RTCA: variants seen among roughly 807,000 people sequenced by gnomAD.
RTCA encodes RNA terminal phosphate cyclase domain 1.
Under a neutral mutation model 46.1 loss-of-function variants are expected in RTCA, and 37 were observed. That is an observed-to-expected ratio of 0.80 (90% confidence interval 0.62 to 1.06). RTCA has a LOEUF of 1.06. Among genes scored for constraint, RTCA ranks in the 50% least tolerant of loss-of-function variants. The probability of loss-of-function intolerance (pLI) is 0.00; values close to 1 mark genes in which losing one functional copy is unlikely to be tolerated. For missense variants in RTCA, 435 were observed against 455.5 expected, an observed-to-expected ratio of 0.95 and a Z score of 0.41; for synonymous variants, 164 against 158.3, an observed-to-expected ratio of 1.04 and a Z score of -0.27.
chr1:100,278,320 T>C (rs905276637), intron 8 of RTCA, among the ~76,000 whole-genome samples: 2 of 152,204 alleles, frequency 1.3e-5, no homozygotes, highest in African/African-American at 2.4e-5. Flanking sequence ...AAAGGGAAAT[T>C]TGTTTAAGGT....
chr1:100,283,072 C>T (rs922639633), intron 8 of RTCA, among the ~76,000 whole-genome samples: 25 of 151,710 alleles, frequency 1.6e-4, no homozygotes, highest in Non-Finnish European at 2.1e-4. Flanking sequence ...GCTGGGATTA[C>T]AGGCGTGAGC....
intron 6 of RTCA, 35 bp downstream of exon 6, chr1:100,275,000 A>T: frequency 1.3e-6 from 2 of 1,538,602 alleles, no homozygotes; most frequent in South Asian, 2.4e-5. Context: ...AATAAAATAT[A>T]TGTGTGTCTT....
chr1:100,275,274 G>A (rs575018395), intron 6 of RTCA, among the ~76,000 whole-genome samples: 50 of 152,212 alleles, frequency 3.3e-4, no homozygotes, highest in African/African-American at 1.1e-3. Context: ...AACACTATCA[G>A]GTACTGTGTT....
intron 8 of RTCA, among the ~76,000 whole-genome samples, chr1:100,279,771 C>T (rs1392436848): frequency 6.6e-6 from 1 of 152,096 alleles, no homozygotes; most frequent in Non-Finnish European, 1.5e-5. Context: ...CACAGTGAGA[C>T]CCTGTCACCA....
intron 8 of RTCA, among the ~76,000 whole-genome samples, chr1:100,284,458 A>G (rs200622407): frequency 6.6e-6 from 1 of 151,516 alleles, no homozygotes; most frequent in Non-Finnish European, 1.5e-5. Context: ...CAGTGGCACA[A>G]TCTCAGCTCA....
intron 2 of RTCA, chr1:100,267,397 C>G: frequency 8.1e-7 from 1 of 1,227,090 alleles, no homozygotes; most frequent in Non-Finnish European, 1.0e-6. Context: ...CAGGGGAATC[C>G]AATTCATTAG....
Position 100,269,364 on chromosome 1 carries a change from T to G in RTCA, c.290+1069T>G, listed in dbSNP as rs1004464057. On this transcript the variant is annotated intron_variant, in intron 3 of 10. Transcript: ENST00000370128. ...CATGTGAAATATTTAGCTATCAGTC[T>G]TTTTTTTTTTTTTTTTTGGTCTCCC... Among the ~76,000 whole-genome samples the G allele has an allele frequency of 0.021, 146 of 6,842 alleles. No individual in the cohort carries two copies. The East Asian group carries it at 0.48, about 22-fold the overall frequency. 4.5% of individuals were successfully genotyped at this position (6,842 alleles called of 152,430 possible).
Position 100,266,232 on chromosome 1 carries a change from C to A in RTCA, c.-144C>A, listed in dbSNP as rs991588920. ...GCTGACTCCAGTGTCCCGAGAGGCG[C>A]CGCTTCTTCCGCTTTCTCGTCAGGC... On this transcript the variant is annotated 5_prime_UTR_variant, in exon 1 of 11. Transcript: ENST00000370128. 3.2e-5 allele frequency: 31 copies of A among 970,808 alleles called. No individual in the cohort carries two copies. Among genetic ancestry groups the A allele is most frequent in the Non-Finnish European group, 4.2e-5 (28 of 661,110 alleles). 60.1% of individuals were successfully genotyped at this position (970,808 alleles called of 1,614,324 possible).
At chr1:100,278,185 T>C (rs975217242) in intron 8 of RTCA, among the ~76,000 whole-genome samples, 3 of 152,170 alleles carry the variant, frequency 2.0e-5, no homozygotes, top group Non-Finnish European at 4.4e-5. Context: ...CAAGAAAATA[T>C]TTTGAGGCCA....
intron 6 of RTCA, 63 bp downstream of exon 6, chr1:100,275,028 C>A: frequency 2.1e-6 from 3 of 1,433,364 alleles, no homozygotes; most frequent in East Asian, 2.4e-5. Flanking sequence ...ATTATGTCAA[C>A]TAAATTTTGA....
chr1:100,277,983 A>T (rs1246878548), intron 8 of RTCA, among the ~76,000 whole-genome samples: 1 of 152,202 alleles, frequency 6.6e-6, no homozygotes, highest in Non-Finnish European at 1.5e-5. Context: ...TGATATATTC[A>T]GATTAAACAT....
At chr1:100,288,583 A>G (rs1570893473) in intron 10 of RTCA, among the ~76,000 whole-genome samples, 2 of 151,798 alleles carry the variant, frequency 1.3e-5, no homozygotes, top group East Asian at 3.9e-4. Context: ...GTAGAGATGG[A>G]GTCTTGCCAC....
chr1:100,281,143 T>G, intron 8 of RTCA: 1 of 513,754 alleles, frequency 1.9e-6, no homozygotes, highest in South Asian at 1.4e-5. Flanking sequence ...TCTTTATCAT[T>G]GTCTCAGTTA....
chr1:100,267,405 T>G, intron 2 of RTCA: 1 of 1,257,768 alleles, frequency 8.0e-7, no homozygotes, highest in Admixed American at 3.3e-5. Context: ...TCCAATTCAT[T>G]AGGCTGTAGG....
chr1:100,274,362 T>C (rs1666257803), intron 5 of RTCA, among the ~76,000 whole-genome samples: 4 of 152,336 alleles, frequency 2.6e-5, no homozygotes, highest in Admixed American at 2.0e-4. Flanking sequence ...ATATATTTAT[T>C]TGAGGACCTA....
rs1464606008 is a variant in RTCA, at chr1:100,274,852, G to A, written c.502G>A (p.Val168Met). Residue 168 changes from valine (V) to methionine (M), a missense_variant, in exon 6 of 11, where the codon GTG becomes ATG. Transcript: ENST00000370128. ...RGYYPKGGGE[V>M]IVRMSPVKQL... Reference sequence around the variant, plus strand: ...ATATTACCCAAAAGGGGGTGGTGAAGTGATTGTTCGAATGTCACCAGTTAA... The same window carrying A: ...ATATTACCCAAAAGGGGGTGGTGAAATGATTGTTCGAATGTCACCAGTTAA... 5 of 1,613,012 alleles carry A rather than the reference G, an allele frequency of 3.1e-6. No individual in the cohort carries two copies. The highest frequency in any genetic ancestry group is 3.4e-6 in the Non-Finnish European group (4 of 1,179,304).
chr1:100,281,902 G>C (rs1017352681), intron 8 of RTCA, among the ~76,000 whole-genome samples: 8 of 151,998 alleles, frequency 5.3e-5, no homozygotes, highest in African/African-American at 1.9e-4. Context: ...TTTTGGTAGA[G>C]ACGGGGTTTC....
rs185756091 is a variant in RTCA at position 100,282,578 on chromosome 1, G to T, written c.800-2650G>T. ...TAAATGCCTCCTTAGCAAAGGATCTGGTTTCTATTACTTAGCATGGTAGAT... is the reference window on the plus strand; with the variant it reads ...TAAATGCCTCCTTAGCAAAGGATCTTGTTTCTATTACTTAGCATGGTAGAT... On this transcript the variant is annotated intron_variant, in intron 8 of 10. Coordinates refer to ENST00000370128, the MANE Select transcript of RTCA (RefSeq NM_003729.4). Among the ~76,000 whole-genome samples, 9 of 152,238 alleles carry T rather than the reference G, an allele frequency of 5.9e-5. No individual in the cohort carries two copies. In the East Asian group the frequency reaches 9.6e-4, roughly 16 times the overall value.
At chr1:100,272,349 G>A (rs1443839054) in intron 4 of RTCA, among the ~76,000 whole-genome samples, 4 of 152,130 alleles carry the variant, frequency 2.6e-5, no homozygotes, top group Admixed American at 2.6e-4. Flanking sequence ...TTAATACTTG[G>A]TAGGGTGAGG....
Sources: allele counts gnomAD v4.1 joint callset (sites outside exome capture counted in the v4.1 genomes callset), GRCh38; gene constraint gnomAD v4.1.1; transcripts MANE v1.5; gene names NCBI Gene and HGNC (gene_info 2026-07-23, HGNC 2026-07-21).